Variants in TENM3 observed in about 807,000 individuals in gnomAD.
The protein encoded by TENM3 is teneurin-3.
TENM3 carries 63 observed loss-of-function variants against 255.1 expected under a neutral mutation model. That is an observed-to-expected ratio of 0.25 (90% CI 0.20 to 0.30). TENM3 has a LOEUF of 0.30. Among genes scored for constraint, TENM3 ranks in the 10% least tolerant of loss-of-function variants. The probability of loss-of-function intolerance (pLI) is 1.00; values close to 1 mark genes in which losing one functional copy is unlikely to be tolerated. For synonymous variants in TENM3, 1,306 were observed against 1,322.3 expected (o/e 0.99, Z 0.27); for missense variants, 2,929 against 3,461.1 (o/e 0.85, Z 3.86).
the TENM3 span, among the ~76,000 whole-genome samples, chr4:181,794,666 C>CTGTGTGTGTGTGTG: frequency 8.4e-3 from 1,204 of 142,962 alleles, 8 homozygotes; most frequent in East Asian, 0.012. Context: ...AATAATATCC[C>CTGTGTGTGTGTGTG]TGTGTGTGTG....
the TENM3 span, among the ~76,000 whole-genome samples, chr4:181,932,698 T>C: frequency 6.6e-6 from 1 of 152,186 alleles, no homozygotes; most frequent in African/African-American, 2.4e-5. Flanking sequence ...CATTCTACTA[T>C]GAAGACACAT....
chr4:181,819,501 G>T, the TENM3 span, among the ~76,000 whole-genome samples: 1 of 152,122 alleles, frequency 6.6e-6, no homozygotes, highest in Non-Finnish European at 1.5e-5. Context: ...ATGCCATCGG[G>T]ATTGTTCGTA....
At chr4:182,026,234 T>A in the TENM3 span, among the ~76,000 whole-genome samples, 1 of 152,202 alleles carries the variant, frequency 6.6e-6, no homozygotes, top group Admixed American at 6.5e-5. Context: ...TGATGGACAT[T>A]TGGGTTGGTG....
intron 3 of TENM3, among the ~76,000 whole-genome samples, chr4:182,496,969 G>A (rs1210476388): frequency 6.6e-6 from 1 of 151,962 alleles, no homozygotes; most frequent in African/African-American, 2.4e-5. Flanking sequence ...AGACTTAGTA[G>A]CATAAATAAT....
the TENM3 span, among the ~76,000 whole-genome samples, chr4:181,495,594 A>G: frequency 1.3e-5 from 2 of 152,154 alleles, no homozygotes; most frequent in African/African-American, 2.4e-5. Context: ...ATTCATTTTA[A>G]AAGACATTGA....
chr4:182,633,557 A>G (rs1751582430), intron 5 of TENM3, among the ~76,000 whole-genome samples: 1 of 152,216 alleles, frequency 6.6e-6, no homozygotes, highest in Admixed American at 6.5e-5. Flanking sequence ...TAGTGAGAAA[A>G]TCACCTTGAG....
chr4:182,780,631 G>A (rs1765093745), intron 24 of TENM3, among the ~76,000 whole-genome samples: 1 of 138,846 alleles, frequency 7.2e-6, no homozygotes, highest in South Asian at 2.4e-4. Flanking sequence ...CATTGAATCT[G>A]TAAATTACCT....
chr4:182,422,039 T>G (rs1415084027), intron 3 of TENM3, among the ~76,000 whole-genome samples: 1 of 152,198 alleles, frequency 6.6e-6, no homozygotes, highest in Non-Finnish European at 1.5e-5. Context: ...TCTGAAATAT[T>G]TCTGGTAAAA....
At chr4:182,341,549 C>T (rs570620116) in intron 2 of TENM3, among the ~76,000 whole-genome samples, 2 of 152,204 alleles carry the variant, frequency 1.3e-5, no homozygotes, top group African/African-American at 4.8e-5. Flanking sequence ...TTATGCTAAC[C>T]ACAGTGTTCC....
At chr4:182,734,009 T>C (rs1760979520) in intron 16 of TENM3, among the ~76,000 whole-genome samples, 1 of 152,176 alleles carries the variant, frequency 6.6e-6, no homozygotes, top group Non-Finnish European at 1.5e-5. Context: ...GGCAAATATT[T>C]CATAAAAATT....
chr4:181,605,457 A>G, the TENM3 span, among the ~76,000 whole-genome samples: 1 of 133,844 alleles, frequency 7.5e-6, no homozygotes, highest in African/African-American at 2.7e-5. Context: ...AAAGAAAGAG[A>G]GAGAGAGAGA....
At chr4:182,435,789 T>G (rs750771046) in intron 3 of TENM3, among the ~76,000 whole-genome samples, 1 of 152,248 alleles carries the variant, frequency 6.6e-6, no homozygotes, top group African/African-American at 2.4e-5. Context: ...GAAGGTGATC[T>G]TTAGCTATTT....
the TENM3 span, among the ~76,000 whole-genome samples, chr4:181,651,925 G>T: frequency 6.6e-6 from 1 of 152,036 alleles, no homozygotes; most frequent in African/African-American, 2.4e-5. Flanking sequence ...GACACATTAA[G>T]GTTTTCACAC....
At chr4:182,787,735 CAAAAAAAAAA>C (rs33998093) in intron 24 of TENM3, among the ~76,000 whole-genome samples, 2 of 41,576 alleles carry the variant, frequency 4.8e-5, no homozygotes, top group African/African-American at 6.0e-5. Context: ...AACTCCACCT[CAAAAAAAAAA>C]AAAAAAAAAA....
chr4:181,605,568 A>AAGAAAGAAAGGGAG, the TENM3 span, among the ~76,000 whole-genome samples: 11 of 42,206 alleles, frequency 2.6e-4, 1 homozygote, highest in African/African-American at 9.4e-4. Context: ...GAAAGAAAGA[A>AAGAAAGAAAGGGAG]AGAGAGAGAA....
chr4:181,745,221 T>G, the TENM3 span, among the ~76,000 whole-genome samples: 2 of 152,094 alleles, frequency 1.3e-5, no homozygotes, highest in Non-Finnish European at 2.9e-5. Context: ...AATCCCGTCA[T>G]TATGTCAGGG....
At chr4:181,545,137 T>C in the TENM3 span, among the ~76,000 whole-genome samples, 1 of 152,210 alleles carries the variant, frequency 6.6e-6, no homozygotes, top group Non-Finnish European at 1.5e-5. Context: ...GCTAATAATT[T>C]ATGAGAGCTT....
chr4:182,096,925 G>T, the TENM3 span, among the ~76,000 whole-genome samples: 1 of 152,192 alleles, frequency 6.6e-6, no homozygotes, highest in South Asian at 2.1e-4. Flanking sequence ...AGACTTAAAA[G>T]ACATCCACTT....
chr4:182,374,864 G>T (rs1243472758), intron 3 of TENM3, among the ~76,000 whole-genome samples: 1 of 152,120 alleles, frequency 6.6e-6, no homozygotes, highest in Non-Finnish European at 1.5e-5. Flanking sequence ...AATTCTCTAA[G>T]CTTATCTTCC....
Sources: allele counts gnomAD v4.1 joint callset (sites outside exome capture counted in the v4.1 genomes callset), GRCh38; gene constraint gnomAD v4.1.1; transcripts MANE v1.5; gene names NCBI Gene and HGNC (gene_info 2026-07-23, HGNC 2026-07-21).